Variants in ARFGAP2 observed in about 807,000 individuals in gnomAD.
ARFGAP2 encodes the protein ARF GTPase activating protein 2.
In ARFGAP2, 45 loss-of-function variants were observed where a neutral mutation model predicts 71.9. That is an observed-to-expected ratio of 0.63 (90% confidence interval 0.49 to 0.80). The LOEUF is 0.80. Ranked by LOEUF, ARFGAP2 falls within the 30% of genes least tolerant of loss-of-function variation. ARFGAP2 has a pLI of 0.00. For synonymous variants in ARFGAP2, 248 were observed against 249.2 expected, an observed-to-expected ratio of 1.00 and a Z score of 0.05; for missense variants, 633 against 673.9, an observed-to-expected ratio of 0.94 and a Z score of 0.67.
At chr11:47,175,492 C>T (rs879511782) in intron 3 of ARFGAP2, 179 bp from the exon 4 acceptor site, 9 of 958,230 alleles carry the variant, frequency 9.4e-6, no homozygotes, top group Non-Finnish European at 1.4e-5. Context: ...AAACACCTTG[C>T]AGCGGGCCAT....
At position 47,173,802 on chromosome 11, in the gene ARFGAP2, C is replaced by T. The variant is rs1238995519; in HGVS notation, c.519G>A (p.Gly173=). 2 of 1,606,090 alleles carry T rather than the reference C, an allele frequency of 1.2e-6. No homozygotes were observed. Among genetic ancestry groups the T allele is most frequent in the Non-Finnish European group, 1.7e-6 (2 of 1,176,486 alleles). Residue 173 remains glycine, a synonymous_variant, in exon 6 of 16, where the codon GGG becomes GGA. Coordinates refer to ENST00000524782, the MANE Select transcript of ARFGAP2 (RefSeq NM_032389.6). ...CTGTAGACGGGGCTGGCTGCTGGGT[C>T]CCTGAAGGCTCAGTGGCTGGCGCAT... ...AWDAPATEPS[G]TQQPAPSTES...
intron 13 of ARFGAP2, 29 bp from the exon 14 acceptor site, chr11:47,166,628 G>T (rs768179416): frequency 6.2e-7 from 1 of 1,608,842 alleles, no homozygotes; most frequent in South Asian, 1.1e-5. Context: ...CAGGCCTGGG[G>T]ATCTTGGGGC....
chr11:47,168,387 G>T, intron 10 of ARFGAP2, 136 bp from the exon 11 acceptor site: 1 of 1,210,092 alleles, frequency 8.3e-7, no homozygotes, highest in Non-Finnish European at 1.1e-6. Context: ...CAAGCACAGG[G>T]CTGGGCCAGA....
chr11:47,168,432 T>A, intron 10 of ARFGAP2, 181 bp from the exon 11 acceptor site: 1 of 699,256 alleles, frequency 1.4e-6, no homozygotes, highest in South Asian at 2.0e-5. Flanking sequence ...TGGTGACCTG[T>A]GAAGCACACC....
At chr11:47,172,158 T>G (rs1028066745) in intron 8 of ARFGAP2, 123 bp downstream of exon 8, 1 of 998,946 alleles carries the variant, frequency 1.0e-6, no homozygotes, top group Non-Finnish European at 1.5e-6. Flanking sequence ...ACAGGCGAGG[T>G]TCGGAGAAAC....
chr11:47,166,817 G>T lies in ARFGAP2; in HGVS notation c.1275C>A (p.Phe425Leu). 1 of 1,614,080 alleles carries T rather than the reference G, an allele frequency of 6.2e-7. No individual in the cohort carries two copies. The highest frequency in any genetic ancestry group is 8.5e-7 in the Non-Finnish European group (1 of 1,180,024). ...GLESSEARQK[F>L]AGAKAISSDM... The stretch of plus-strand genomic sequence containing the variant: ...CAGATGAGATGGCTTTGGCTCCTGC[G>T]AATTTCTGACGCGCCTCACTAGACT... Residue 425 changes from phenylalanine to leucine, a missense_variant, in exon 13 of 16, where the codon TTC (phenylalanine) becomes TTA (leucine). Transcript: ENST00000524782.
intron 12 of ARFGAP2, among the ~76,000 whole-genome samples, chr11:47,167,497 G>C (rs541250163): frequency 6.6e-6 from 1 of 152,258 alleles, no homozygotes; most frequent in Admixed American, 6.5e-5. Context: ...AAAATAAGAA[G>C]GGGGCTGGAG....
At chr11:47,169,085 G>A (rs999654059) in intron 10 of ARFGAP2, among the ~76,000 whole-genome samples, 11 of 150,496 alleles carry the variant, frequency 7.3e-5, no homozygotes, top group African/African-American at 1.5e-4. Flanking sequence ...AGGCCGAGGC[G>A]GGCAGATCAC....
In ARFGAP2 at chr11:47,175,358, A is replaced by G; in HGVS notation, c.265-45T>C. On this transcript the variant is annotated intron_variant, in intron 3 of 15. Transcript: ENST00000524782. ...GCAGCGCGTGCTACGGGTGATTCTC[A>G]AGAAGGAAACGTGTTGGCTGTAGGA... 2.5e-6 allele frequency: 4 copies of G among 1,613,474 alleles called. No homozygotes were observed. In the Middle Eastern group the frequency reaches 4.9e-4, roughly 200 times the overall value.
At chr11:47,166,432 T>C (rs776228416) in intron 14 of ARFGAP2, 46 bp from the exon 15 acceptor site, 2 of 1,611,420 alleles carry the variant, frequency 1.2e-6, no homozygotes, top group East Asian at 4.5e-5. Flanking sequence ...AAGAAGCCCT[T>C]CCCAGTCACA....
In ARFGAP2 at chr11:47,175,108, A is replaced by C. The variant is rs778665850; in HGVS notation, c.397-10T>G. ...TGTTGTCTATCCAAAGCTAGAAAGG[A>C]GAAGACACCCCTAAAACACAGGGCT... On this transcript the variant is annotated splice_polypyrimidine_tract_variant and intron_variant, in intron 4 of 15. Coordinates refer to ENST00000524782, the MANE Select transcript of ARFGAP2 (RefSeq NM_032389.6). The C allele has an allele frequency of 1.2e-6, 2 of 1,614,146 alleles. No individual in the cohort carries two copies. Among genetic ancestry groups the C allele is most frequent in the South Asian group, 2.2e-5 (2 of 91,076 alleles).
intron 10 of ARFGAP2, among the ~76,000 whole-genome samples, chr11:47,169,042 C>T (rs997653531): frequency 9.9e-5 from 15 of 151,564 alleles, no homozygotes; most frequent in Admixed American, 4.6e-4. Flanking sequence ...AGCCAGGCAC[C>T]GTGGCTCACA....
intron 10 of ARFGAP2, among the ~76,000 whole-genome samples, chr11:47,170,503 C>G (rs904821414): frequency 1.3e-5 from 2 of 151,888 alleles, no homozygotes; most frequent in Non-Finnish European, 2.9e-5. Context: ...AAAAATTAGC[C>G]AGACACGGTG....
At chr11:47,172,024 T>C (rs1952619829) in intron 8 of ARFGAP2, 1 of 741,462 alleles carries the variant, frequency 1.3e-6, no homozygotes, top group East Asian at 2.7e-5. Context: ...CGGCAGTTAA[T>C]GCTGACAGGG....
At chr11:47,172,088 CT>C in intron 8 of ARFGAP2, 192 bp downstream of exon 8, 1 of 736,974 alleles carries the variant, frequency 1.4e-6, no homozygotes, top group Admixed American at 2.4e-5. Flanking sequence ...ATCTCACCGA[CT>C]CCTCCCAGCA....
chr11:47,168,425 T>C, intron 10 of ARFGAP2, 174 bp from the exon 11 acceptor site: 1 of 780,542 alleles, frequency 1.3e-6, no homozygotes, highest in Non-Finnish European at 2.0e-6. Flanking sequence ...CTGTGTGTGG[T>C]GACCTGTGAA....
chr11:47,168,159 A>ACC lies in ARFGAP2; in HGVS notation c.1033_1034insGG (p.Phe345TrpfsTer22). On this transcript the variant is annotated frameshift_variant, in exon 11 of 16. Transcript: ENST00000524782. LOFTEE classifies it high-confidence loss of function. ...AGAGGCGAAAGTACCAACATCGTCA[A>ACC]ACAAGTCCAGCTGCGAGCGAGAGGA... 6.2e-7 allele frequency: 1 copy of ACC among 1,614,252 alleles called. No homozygotes were observed. The highest frequency in any genetic ancestry group is 8.5e-7 in the Non-Finnish European group (1 of 1,180,052).
chr11:47,175,429 C>T, intron 3 of ARFGAP2, 116 bp from the exon 4 acceptor site: 1 of 1,487,798 alleles, frequency 6.7e-7, no homozygotes, highest in South Asian at 1.1e-5. Flanking sequence ...CAGGATGATA[C>T]ACGCTACTGA....
At chr11:47,173,909 C>CA (rs1952692369) in intron 5 of ARFGAP2, 69 bp from the exon 6 acceptor site, 14 of 1,548,586 alleles carry the variant, frequency 9.0e-6, no homozygotes, top group Non-Finnish European at 1.1e-5. Flanking sequence ...CCAAGACCTA[C>CA]AAGCACCTTG....
Sources: gnomAD v4.1 joint callset for allele counts (sites outside exome capture counted in the v4.1 genomes callset) on GRCh38, gnomAD v4.1.1 for gene constraint, MANE v1.5 for transcripts, NCBI Gene and HGNC (gene_info 2026-07-23, HGNC 2026-07-21) for gene names.